The following TRIM49 variants were observed in gnomAD, a reference collection of about 807,000 sequenced individuals.
The protein encoded by TRIM49 is tripartite motif-containing protein 49.
TRIM49 carries 5 observed loss-of-function variants against 27.4 expected under a neutral mutation model. The observed-to-expected ratio is 0.18, with a 90% CI of 0.10 to 0.38. The LOEUF is 0.38. Ranked by LOEUF, TRIM49 falls within the 10% of genes least tolerant of loss-of-function variation. The probability of loss-of-function intolerance (pLI) is 1.00; values close to 1 mark genes in which losing one functional copy is unlikely to be tolerated. For missense variants in TRIM49, 188 were observed against 487.5 expected (o/e 0.39, Z 5.79); for synonymous variants, 69 against 166.0 (o/e 0.42, Z 4.49).
At chr11:89,784,692 T>A in the TRIM49 span, among the ~76,000 whole-genome samples, 17 of 143,364 alleles carry the variant, frequency 1.2e-4, 1 homozygote, top group African/African-American at 4.8e-4. Context: ...CAGCAGTCAA[T>A]GCCTCATAAT....
downstream of TRIM49, among the ~76,000 whole-genome samples, chr11:89,794,126 CTTCCA>C (rs1663200632): frequency 7.6e-6 from 1 of 131,444 alleles, no homozygotes; most frequent in African/African-American, 2.9e-5. Flanking sequence ...CATGAGTGAA[CTTCCA>C]TTCACAATTG....
At chr11:89,774,093 C>T in the TRIM49 span, among the ~76,000 whole-genome samples, 1 of 148,622 alleles carries the variant, frequency 6.7e-6, no homozygotes, top group African/African-American at 2.6e-5. Context: ...CTCTGCCTCC[C>T]AGGTTCAAGT....
downstream of TRIM49, among the ~76,000 whole-genome samples, chr11:89,796,012 G>A (rs1358469111): frequency 6.6e-6 from 1 of 151,748 alleles, no homozygotes; most frequent in Non-Finnish European, 1.5e-5. Context: ...CTAGACATGA[G>A]ACTATTCATA....
At chr11:89,793,469 A>T (rs929724491), downstream of TRIM49, among the ~76,000 whole-genome samples, 1 of 152,204 alleles carries the variant, frequency 6.6e-6, no homozygotes, top group Non-Finnish European at 1.5e-5. Context: ...ATGAACATCG[A>T]TGCAAAAATT....
intron 2 of TRIM49, among the ~76,000 whole-genome samples, chr11:89,804,689 C>G (rs1215654863): frequency 1.3e-4 from 20 of 151,744 alleles, no homozygotes; most frequent in African/African-American, 4.9e-4. Flanking sequence ...ACAGTCCCTT[C>G]TACTCCTAGT....
chr11:89,768,839 G>GGA, the TRIM49 span: 3,664 of 471,714 alleles, frequency 7.8e-3, 157 homozygotes, highest in Middle Eastern at 0.014. Flanking sequence ...CCCAAATCCT[G>GGA]GAGAGAGAGA....
At chr11:89,776,857 G>C in the TRIM49 span, 1 of 818,922 alleles carries the variant, frequency 1.2e-6, no homozygotes, top group South Asian at 1.8e-5. Flanking sequence ...TAACTTATTC[G>C]ACATGTTGGA....
At chr11:89,793,824 G>T (rs1389667670), downstream of TRIM49, among the ~76,000 whole-genome samples, 1 of 151,976 alleles carries the variant, frequency 6.6e-6, no homozygotes, top group African/African-American at 2.4e-5. Context: ...TAGAAAAGTG[G>T]TGCAAGACAG....
chr11:89,772,590 T>C, the TRIM49 span, among the ~76,000 whole-genome samples: 1 of 131,022 alleles, frequency 7.6e-6, no homozygotes. Flanking sequence ...GAAATAAAAT[T>C]TTTTTAGCTG....
chr11:89,797,974 A>G lies in TRIM49; in HGVS notation c.*156T>C. The G allele has an allele frequency of 5.0e-6, 2 of 399,058 alleles. No individual in the cohort carries two copies. The highest frequency in any genetic ancestry group is 7.7e-6 in the Non-Finnish European group (2 of 259,294). 24.7% of individuals were successfully genotyped at this position (399,058 alleles called of 1,614,324 possible). On this transcript the variant is annotated 3_prime_UTR_variant, in exon 8 of 8. Transcript: ENST00000329758. ...TACTTTTAGCGTTTTCAGCATATTT[A>G]ATAGTAACACAATAAATGAGTTTTG...
At chr11:89,772,029 T>A in the TRIM49 span, among the ~76,000 whole-genome samples, 2 of 124,750 alleles carry the variant, frequency 1.6e-5, no homozygotes, top group African/African-American at 8.1e-5. Context: ...TGGAGTTTCT[T>A]CTGCTTCTGA....
At chr11:89,778,533 AG>A in the TRIM49 span, among the ~76,000 whole-genome samples, 1 of 109,678 alleles carries the variant, frequency 9.1e-6, no homozygotes, top group South Asian at 3.3e-4. Flanking sequence ...TGATTTAAAA[AG>A]GGAGAGAGAA....
chr11:89,777,569 T>A, the TRIM49 span, among the ~76,000 whole-genome samples: 1 of 145,300 alleles, frequency 6.9e-6, no homozygotes, highest in Non-Finnish European at 1.5e-5. Context: ...ATCATAGCTG[T>A]GTTGAGACTT....
chr11:89,795,789 G>T (rs1372325429), downstream of TRIM49, among the ~76,000 whole-genome samples: 2 of 150,700 alleles, frequency 1.3e-5, no homozygotes, highest in Non-Finnish European at 3.0e-5. Flanking sequence ...TAATGTAAAT[G>T]AGGAGTTAAT....
chr11:89,770,230 G>A, the TRIM49 span, among the ~76,000 whole-genome samples: 1 of 122,120 alleles, frequency 8.2e-6, no homozygotes, highest in Non-Finnish European at 1.6e-5. Flanking sequence ...ATTTCACACG[G>A]AATAACACTC....
chr11:89,776,869 A>G, the TRIM49 span: 9 of 1,058,738 alleles, frequency 8.5e-6, no homozygotes, highest in Admixed American at 8.4e-5. Flanking sequence ...CATGTTGGAC[A>G]GAGCTCAAGT....
At chr11:89,766,503 C>T in the TRIM49 span, 1 of 488,316 alleles carries the variant, frequency 2.0e-6, no homozygotes, top group Non-Finnish European at 3.4e-6. Flanking sequence ...TAGAAAAAAG[C>T]CTGAAAAGTA....
At chr11:89,790,816 A>G in the TRIM49 span, among the ~76,000 whole-genome samples, 4 of 151,918 alleles carry the variant, frequency 2.6e-5, no homozygotes, top group African/African-American at 9.7e-5. Context: ...GAGCAGAAAA[A>G]CTGAAAATTC....
At chr11:89,791,409 C>T in the TRIM49 span, among the ~76,000 whole-genome samples, 1 of 151,614 alleles carries the variant, frequency 6.6e-6, no homozygotes, top group African/African-American at 2.4e-5. Context: ...AAAGATACTC[C>T]TCAAGAAGAG....
Sources: gnomAD v4.1 joint callset for allele counts (sites outside exome capture counted in the v4.1 genomes callset) on GRCh38, gnomAD v4.1.1 for gene constraint, MANE v1.5 for transcripts, NCBI Gene and HGNC (gene_info 2026-07-23, HGNC 2026-07-21) for gene names.